The following IL6ST variants were observed in gnomAD, a reference collection of about 807,000 sequenced individuals.
The protein encoded by IL6ST is interleukin-6 receptor subunit beta.
In IL6ST, 24 loss-of-function variants were observed where a neutral mutation model predicts 91.3. The observed-to-expected ratio is 0.26, with a 90% CI of 0.19 to 0.37. The LOEUF is 0.37. IL6ST is among the 10% of genes least tolerant of loss of function. The pLI is 1.00. For synonymous variants in IL6ST, 351 were observed against 373.6 expected (o/e 0.94, Z 0.70); for missense variants, 914 against 1,078.5 (o/e 0.85, Z 2.14).
At chr5:55,985,482 C>A (rs1255496432) in intron 1 of IL6ST, among the ~76,000 whole-genome samples, 1 of 150,604 alleles carries the variant, frequency 6.6e-6, no homozygotes, top group African/African-American at 2.4e-5. Context: ...GATAGCACCA[C>A]TGCACTCCAG....
intron 2 of IL6ST, 79 bp from the exon 3 acceptor site, chr5:55,976,372 A>G: frequency 2.9e-6 from 2 of 689,122 alleles, no homozygotes; most frequent in Non-Finnish European, 4.6e-6. Context: ...TCTTGTTTCC[A>G]TGCTGTAGCT....
chr5:55,963,091 G>GAAAAAAAAAA, intron 7 of IL6ST, among the ~76,000 whole-genome samples: 1 of 117,558 alleles, frequency 8.5e-6, no homozygotes, highest in South Asian at 2.7e-4. Context: ...GTCTCTAGAA[G>GAAAAAAAAAA]AAAAAAAAAA....
At chr5:55,962,032 C>T (rs1445872) in intron 7 of IL6ST, among the ~76,000 whole-genome samples, 12,399 of 152,060 alleles carry the variant, frequency 0.082, 627 homozygotes, top group Middle Eastern at 0.14. Context: ...TTAAACTTGG[C>T]TTTCAGAAAA....
At chr5:55,959,599 G>A (rs1280209448) in intron 8 of IL6ST, 1 of 1,199,570 alleles carries the variant, frequency 8.3e-7, no homozygotes, top group Non-Finnish European at 1.1e-6. Context: ...ATTATCTATA[G>A]GAGAAAAAAG....
At chr5:55,966,543 T>C (rs947128118) in intron 5 of IL6ST, among the ~76,000 whole-genome samples, 1 of 152,170 alleles carries the variant, frequency 6.6e-6, no homozygotes, top group Non-Finnish European at 1.5e-5. Context: ...CTCTAGTTCA[T>C]GTAAATACTG....
At chr5:55,977,326 C>T (rs1464957101) in intron 2 of IL6ST, among the ~76,000 whole-genome samples, 7 of 151,690 alleles carry the variant, frequency 4.6e-5, no homozygotes, top group Non-Finnish European at 8.8e-5. Flanking sequence ...CTCCTGGGCT[C>T]GAGCAATCCT....
chr5:55,950,215 G>C (rs972768051), intron 14 of IL6ST: 3 of 483,906 alleles, frequency 6.2e-6, no homozygotes, highest in Non-Finnish European at 1.2e-5. Context: ...TAAAGCCATG[G>C]ACAGAGTTTG....
intron 11 of IL6ST, among the ~76,000 whole-genome samples, chr5:55,954,595 C>G (rs960879829): frequency 2.6e-5 from 4 of 151,990 alleles, no homozygotes; most frequent in African/African-American, 9.7e-5. Flanking sequence ...TATTGGGGTA[C>G]AAAAAGAAGA....
At chr5:55,944,551 A>G (rs990803219) in intron 15 of IL6ST, 26 of 476,086 alleles carry the variant, frequency 5.5e-5, no homozygotes, top group Non-Finnish European at 9.7e-5. Context: ...ACAAAACCCA[A>G]ATAAATAAAG....
rs932392331 is a variant in IL6ST at position 55,936,988 on chromosome 5, A to C, written c.*4094T>G. The C allele has an allele frequency of 1.5e-5, 3 of 200,184 alleles. No individual in the cohort carries two copies. Among genetic ancestry groups the C allele is most frequent in the African/African-American group, 6.9e-5 (3 of 43,584 alleles). The allele number at this position is 200,184 out of a possible 1,614,324, so 12.4% of individuals were successfully genotyped here. A position where few individuals can be genotyped will look rare whatever the true frequency, so the allele number is the denominator to read the frequency against. ...CACATTTATTTTTAGAGTATATTCA[A>C]TACACATACATATTGAGACTAGAGA... On this transcript the variant is annotated 3_prime_UTR_variant, in exon 17 of 17. Transcript: ENST00000381298.
chr5:55,935,374 G>T lies in IL6ST; in HGVS notation c.*5708C>A, dbSNP rs6450356. On this transcript the variant is annotated 3_prime_UTR_variant, in exon 17 of 17. Coordinates refer to ENST00000381298, the MANE Select transcript of IL6ST (RefSeq NM_002184.4). ...GTTTCTAAAACTAAGCTCTGGCTTCGTATCTGTTGAAAATCTTTAGCGGTT... is the reference window on the plus strand; with the variant it reads ...GTTTCTAAAACTAAGCTCTGGCTTCTTATCTGTTGAAAATCTTTAGCGGTT... 3,934 of 201,032 alleles carry T rather than the reference G, an allele frequency of 0.02. 180 individuals carry two copies. The highest frequency in any genetic ancestry group is 0.084 in the African/African-American group (3,675 of 43,520). The allele number at this position is 201,032 out of a possible 1,614,324, so 12.5% of individuals were successfully genotyped here.
intron 7 of IL6ST, among the ~76,000 whole-genome samples, chr5:55,960,966 T>C (rs1356671653): frequency 1.3e-5 from 2 of 152,082 alleles, no homozygotes; most frequent in Non-Finnish European, 2.9e-5. Flanking sequence ...AGTCTCCCTC[T>C]GTCGCCCAGG....
chr5:55,984,083 A>T (rs2111907976), intron 1 of IL6ST, among the ~76,000 whole-genome samples: 1 of 152,238 alleles, frequency 6.6e-6, no homozygotes, highest in East Asian at 1.9e-4. Context: ...CCAGATAATA[A>T]ATATTTTAGA....
chr5:55,973,278 C>T (rs1383768755), intron 3 of IL6ST, among the ~76,000 whole-genome samples: 2 of 152,048 alleles, frequency 1.3e-5, no homozygotes, highest in East Asian at 1.9e-4. Flanking sequence ...GTTTTTCTTA[C>T]GATGTCACGC....
rs1445594902 is a variant in IL6ST, at chr5:55,940,887, T to C, written c.*195A>G. The C allele has an allele frequency of 5.3e-6, 3 of 565,146 alleles. No homozygotes were observed. In the African/African-American group the frequency reaches 5.7e-5, roughly 11 times the overall value. The allele number at this position is 565,146 out of a possible 1,614,324, so 35.0% of individuals were successfully genotyped here. On this transcript the variant is annotated 3_prime_UTR_variant, in exon 17 of 17. Coordinates refer to ENST00000381298, the MANE Select transcript of IL6ST (RefSeq NM_002184.4). ...CTAGTCTGAGGATAAAGTCAGTTTA[T>C]GTAGTGCTTAAAGTAGAATCCCAGA...
At chr5:55,988,857 TC>T (rs1182938477) in intron 1 of IL6ST, among the ~76,000 whole-genome samples, 1 of 150,166 alleles carries the variant, frequency 6.7e-6, no homozygotes, top group African/African-American at 2.5e-5. Context: ...ACGGCTGTAA[TC>T]CCAGCACTTT....
At chr5:55,983,158 C>A (rs1049376695) in intron 1 of IL6ST, among the ~76,000 whole-genome samples, 12 of 152,116 alleles carry the variant, frequency 7.9e-5, no homozygotes, top group African/African-American at 2.7e-4. Context: ...ACCATCATGC[C>A]TAGCTAATTT....
At chr5:55,955,973 C>T in intron 10 of IL6ST, 52 bp downstream of exon 10, 1 of 1,279,050 alleles carries the variant, frequency 7.8e-7, no homozygotes, top group Non-Finnish European at 1.1e-6. Flanking sequence ...CTGTCCATAC[C>T]TAACCACCAT....
At chr5:55,976,553 C>T (rs1358861242) in intron 2 of IL6ST, among the ~76,000 whole-genome samples, 2 of 152,044 alleles carry the variant, frequency 1.3e-5, no homozygotes, top group African/African-American at 4.8e-5. Context: ...TATGTGAAGT[C>T]TTATATTAGT....
Sources: allele counts gnomAD v4.1 joint callset (sites outside exome capture counted in the v4.1 genomes callset), GRCh38; gene constraint gnomAD v4.1.1; transcripts MANE v1.5; gene names NCBI Gene and HGNC (gene_info 2026-07-23, HGNC 2026-07-21).